The following RAP1GAP variants were observed in gnomAD, a reference collection of about 807,000 sequenced individuals.
RAP1GAP encodes RAP1 GTPase activating protein.
Under a neutral mutation model 87.2 loss-of-function variants are expected in RAP1GAP, and 35 were observed. That is an observed-to-expected ratio of 0.40 (90% CI 0.31 to 0.53). RAP1GAP has a LOEUF of 0.53. RAP1GAP is among the 20% of genes least tolerant of loss of function. RAP1GAP has a pLI of 0.48. For missense variants in RAP1GAP, 734 were observed against 898.9 expected (o/e 0.82, Z 2.35); for synonymous variants, 375 against 363.9 (o/e 1.03, Z -0.35).
intron 1 of RAP1GAP, among the ~76,000 whole-genome samples, chr1:21,663,793 A>G (rs2152388670): frequency 6.6e-6 from 1 of 152,318 alleles, no homozygotes; most frequent in East Asian, 1.9e-4. Flanking sequence ...GGCCTTGAGA[A>G]GGTCACAGCC....
rs142295910 is a variant in RAP1GAP, at chr1:21,654,303, G to A, written c.-148-4507C>T. On this transcript the variant is annotated intron_variant, in intron 1 of 24. Transcript: ENST00000374765. Reference sequence around the variant, plus strand: ...GCAAGGACAATGGACATTGAGGCATGTGCTTATATCCTCACCGTTGAAGGC... The same window carrying A: ...GCAAGGACAATGGACATTGAGGCATATGCTTATATCCTCACCGTTGAAGGC... Among the ~76,000 whole-genome samples the A allele has an allele frequency of 4.2e-4, 64 of 152,336 alleles. No homozygotes were observed. In the East Asian group the frequency reaches 0.012, roughly 28 times the overall value.
intron 10 of RAP1GAP, 151 bp from the exon 11 acceptor site, chr1:21,612,260 C>G: frequency 1.5e-6 from 1 of 679,870 alleles, no homozygotes; most frequent in Non-Finnish European, 2.7e-6. Context: ...GTCCAGCTGT[C>G]CCCTCTGAAA....
At chr1:21,637,007 G>A (rs926461686) in intron 2 of RAP1GAP, among the ~76,000 whole-genome samples, 3 of 151,772 alleles carry the variant, frequency 2.0e-5, no homozygotes, top group African/African-American at 7.3e-5. Context: ...AAGGTACCGA[G>A]CTCTGCATCA....
At chr1:21,611,628 A>G (rs1221040959) in intron 12 of RAP1GAP, 47 bp from the exon 13 acceptor site, 5 of 1,613,636 alleles carry the variant, frequency 3.1e-6, no homozygotes, top group Non-Finnish European at 4.2e-6. Context: ...AGCCCTGGCC[A>G]GGCCTCCATG....
intron 3 of RAP1GAP, among the ~76,000 whole-genome samples, chr1:21,621,416 C>T (rs1201178989): frequency 6.6e-6 from 1 of 152,130 alleles, no homozygotes; most frequent in African/African-American, 2.4e-5. Context: ...AGCCCTCACC[C>T]GCACACACAC....
chr1:21,632,383 C>T (rs1437948074), intron 2 of RAP1GAP, among the ~76,000 whole-genome samples: 2 of 152,184 alleles, frequency 1.3e-5, no homozygotes, highest in Non-Finnish European at 2.9e-5. Flanking sequence ...TTTCAAAAGC[C>T]TTCTTTATCT....
chr1:21,642,427 C>A (rs2095609642), intron 2 of RAP1GAP, among the ~76,000 whole-genome samples: 1 of 152,186 alleles, frequency 6.6e-6, no homozygotes, highest in East Asian at 1.9e-4. Flanking sequence ...ACTTTTATTG[C>A]CCTCATGTTA....
At chr1:21,642,186 C>T (rs1045822477) in intron 2 of RAP1GAP, among the ~76,000 whole-genome samples, 12 of 152,226 alleles carry the variant, frequency 7.9e-5, no homozygotes, top group African/African-American at 1.4e-4. Context: ...TGTACAGTCA[C>T]GTGTAGGCAG....
chr1:21,651,420 G>A (rs1336922895), intron 1 of RAP1GAP: 2 of 559,752 alleles, frequency 3.6e-6, no homozygotes. Context: ...GCGCACACAC[G>A]CATGCACACA....
intron 2 of RAP1GAP, among the ~76,000 whole-genome samples, chr1:21,643,826 G>A (rs2095778093): frequency 1.3e-5 from 2 of 152,188 alleles, no homozygotes; most frequent in African/African-American, 2.4e-5. Flanking sequence ...GTTGGGGTAA[G>A]GCCACACAGC....
rs1476363310 is a variant in RAP1GAP, at chr1:21,623,170, G to A, written c.-18-3120C>T. The stretch of plus-strand genomic sequence containing the variant: ...CCAGATCCTGGGGGAGATGGCCACA[G>A]CACCTAGGGAGGGGCTGCCAGGCCC... On this transcript the variant is annotated intron_variant, in intron 3 of 24. Transcript: ENST00000374765. Among the ~76,000 whole-genome samples the A allele has an allele frequency of 2.0e-5, 3 of 152,178 alleles. No individual in the cohort carries two copies. In the East Asian group the frequency reaches 5.8e-4, roughly 29 times the overall value.
chr1:21,633,430 T>C (rs2094150869), intron 2 of RAP1GAP, among the ~76,000 whole-genome samples: 1 of 152,220 alleles, frequency 6.6e-6, no homozygotes, highest in African/African-American at 2.4e-5. Flanking sequence ...TTCTGCCTAG[T>C]GAACCATTGA....
rs1242254915 is a variant in RAP1GAP, at chr1:21,626,409, A to G, written c.-112-12T>C. On this transcript the variant is annotated splice_polypyrimidine_tract_variant and intron_variant, in intron 2 of 24. Transcript: ENST00000374765. ...GCCCATCGCTCCTCCTGGAAGAGAA[A>G]GAGTCTGAGGTCAGGGAGAGCCCCA... 3.1e-6 allele frequency: 5 copies of G among 1,603,686 alleles called. No individual in the cohort carries two copies. In the Admixed American group the frequency reaches 8.3e-5, roughly 27 times the overall value.
chr1:21,649,223 G>C (rs2096359525), intron 2 of RAP1GAP, among the ~76,000 whole-genome samples: 1 of 152,122 alleles, frequency 6.6e-6, no homozygotes, highest in Non-Finnish European at 1.5e-5. Flanking sequence ...CCTCCAAAGA[G>C]AGGGCAGCCC....
Position 21,634,531 on chromosome 1 carries a change from G to A in RAP1GAP, c.-112-8134C>T, listed in dbSNP as rs1175770223. Among the ~76,000 whole-genome samples the A allele has an allele frequency of 1.3e-5, 2 of 152,222 alleles. No individual in the cohort carries two copies. Among genetic ancestry groups the A allele is most frequent in the Admixed American group, 6.5e-5 (1 of 15,288 alleles). On this transcript the variant is annotated intron_variant, in intron 2 of 24. Coordinates refer to ENST00000374765, the MANE Select transcript of RAP1GAP (RefSeq NM_002885.4). The surrounding 1 kb of genome is among the most constrained non-coding windows in gnomAD (Gnocchi z 4.1). ...GACAGAGCTGGCAGGGTCCCCCTGG[G>A]GGTGTGGGTGGGAGACTCAGGCCCC...
rs1172513080 is a variant in RAP1GAP at position 21,634,161 on chromosome 1, G to A, written c.-112-7764C>T. The stretch of plus-strand genomic sequence containing the variant: ...CTGTCCCTGCCAAAGTGCCAGGGAA[G>A]GTGGCCGGGGCAGCCAGTTGAGCAG... On this transcript the variant is annotated intron_variant, in intron 2 of 24. Transcript: ENST00000374765. This position sits in a 1 kb window ranked among gnomAD's most constrained non-coding sequence, Gnocchi z 4.1. Among the ~76,000 whole-genome samples, 1 of 152,088 alleles carries A rather than the reference G, an allele frequency of 6.6e-6. No homozygotes were observed. The highest frequency in any genetic ancestry group is 1.5e-5 in the Non-Finnish European group (1 of 67,998).
At chr1:21,651,578 A>G (rs1571351743) in intron 1 of RAP1GAP, 1 of 690,230 alleles carries the variant, frequency 1.4e-6, no homozygotes, top group Non-Finnish European at 2.7e-6. Flanking sequence ...GAACACACAC[A>G]GACACAGAAA....
chr1:21,661,694 C>T (rs1039661063), intron 1 of RAP1GAP, among the ~76,000 whole-genome samples: 1 of 152,240 alleles, frequency 6.6e-6, no homozygotes, highest in Non-Finnish European at 1.5e-5. Flanking sequence ...ACCCCTGGCA[C>T]ATAGTAGGCA....
chr1:21,649,750 C>T lies in RAP1GAP; in HGVS notation c.-113+11G>A. ...GAAACCCAGGCCCTCCTGAGAGTCCCCAGTACTCACCACACACTCCGGCGA... is the reference window on the plus strand; with the variant it reads ...GAAACCCAGGCCCTCCTGAGAGTCCTCAGTACTCACCACACACTCCGGCGA... On this transcript the variant is annotated intron_variant, in intron 2 of 24. Transcript: ENST00000374765. 3 of 1,552,190 alleles carry T rather than the reference C, an allele frequency of 1.9e-6. No individual in the cohort carries two copies. Among genetic ancestry groups the T allele is most frequent in the Non-Finnish European group, 2.6e-6 (3 of 1,147,306 alleles).
Sources: allele counts gnomAD v4.1 joint callset (sites outside exome capture counted in the v4.1 genomes callset), GRCh38; gene constraint gnomAD v4.1.1; non-coding constraint Gnocchi (gnomAD v3.1); transcripts MANE v1.5; gene names NCBI Gene and HGNC (gene_info 2026-07-23, HGNC 2026-07-21).